SLCO3A1: variants seen among roughly 807,000 people sequenced by gnomAD.
The protein encoded by SLCO3A1 is solute carrier organic anion transporter family member 3A1.
A neutral mutation model predicts 63.1 loss-of-function variants in SLCO3A1; 27 were observed. The ratio of observed to expected loss-of-function variants is 0.43; its 90% CI spans 0.32 to 0.59. The LOEUF is 0.59. Among genes scored for constraint, SLCO3A1 ranks in the 20% least tolerant of loss-of-function variants. The pLI is 0.09. For synonymous variants in SLCO3A1, 473 were observed against 409.9 expected, an observed-to-expected ratio of 1.15 and a Z score of -1.86; for missense variants, 773 against 945.8, an observed-to-expected ratio of 0.82 and a Z score of 2.40.
rs142850832 is a variant in SLCO3A1, at chr15:92,163,098, A to C, written c.2096A>C (p.Asp699Ala). Reference sequence around the variant, plus strand: ...ACAAAGTTTATCTATAACCTGGAAGACCATGAGTGGTGTGAAAACATGGAG... The same window carrying C: ...ACAAAGTTTATCTATAACCTGGAAGCCCATGAGTGGTGTGAAAACATGGAG... ...HRTKFIYNLE[D>A]HEWCENMESV... is the part of the protein sequence containing the mutation. Residue 699 changes from aspartate to alanine, a missense_variant, in exon 10 of 10, where the codon GAC (aspartate) becomes GCC (alanine). By Grantham distance (126) the Asp-to-Ala change is moderately radical (BLOSUM62 -2). This residue lies in a region of SLCO3A1 where 139 missense variants were observed against 131.4 expected (regional missense o/e 1.06). Transcript: ENST00000318445. 6.1e-5 allele frequency: 93 copies of C among 1,534,742 alleles called. No homozygotes were observed. The African/African-American group carries it at 1.1e-3, about 18-fold the overall frequency.
intron 2 of SLCO3A1, among the ~76,000 whole-genome samples, chr15:91,988,069 G>T (rs1018675152): frequency 3.3e-5 from 5 of 152,154 alleles, no homozygotes; most frequent in African/African-American, 1.2e-4. Context: ...TACAGATGCA[G>T]GCTTTTCTAG....
At chr15:92,167,562 C>G (rs570388343), downstream of SLCO3A1, among the ~76,000 whole-genome samples, 18 of 152,220 alleles carry the variant, frequency 1.2e-4, no homozygotes, top group Non-Finnish European at 2.4e-4. Flanking sequence ...TAATCCCTTA[C>G]AGTAAACCAC....
intron 7 of SLCO3A1, among the ~76,000 whole-genome samples, chr15:92,134,287 A>G (rs7175217): frequency 0.35 from 53,893 of 152,104 alleles, 10,035 homozygotes; most frequent in African/African-American, 0.42. Context: ...TATCCTGGTA[A>G]TGGCTTGTCA....
At chr15:92,088,065 G>A (rs2047427776) in intron 2 of SLCO3A1, among the ~76,000 whole-genome samples, 1 of 152,144 alleles carries the variant, frequency 6.6e-6, no homozygotes, top group Admixed American at 6.5e-5. Context: ...CACTGGTCAG[G>A]GAAAGAGGAG....
At chr15:92,133,892 G>A (rs146483874) in intron 7 of SLCO3A1, among the ~76,000 whole-genome samples, 9 of 152,294 alleles carry the variant, frequency 5.9e-5, no homozygotes, top group South Asian at 2.1e-4. Flanking sequence ...TGTCTTCCAC[G>A]AAACTGGTCC....
At chr15:92,024,088 C>G (rs998960739) in intron 2 of SLCO3A1, among the ~76,000 whole-genome samples, 1 of 152,216 alleles carries the variant, frequency 6.6e-6, no homozygotes, top group Non-Finnish European at 1.5e-5. Flanking sequence ...TTTAAATCGT[C>G]TTTTCCCTAT....
chr15:91,867,986 T>G (rs1008641212), intron 1 of SLCO3A1, among the ~76,000 whole-genome samples: 8 of 152,196 alleles, frequency 5.3e-5, no homozygotes, highest in Admixed American at 5.2e-4. Flanking sequence ...GCATCCTATG[T>G]CTGTGTCTTT....
intron 2 of SLCO3A1, among the ~76,000 whole-genome samples, chr15:91,983,176 G>A (rs1341265462): frequency 6.6e-6 from 1 of 152,234 alleles, no homozygotes; most frequent in African/African-American, 2.4e-5. Context: ...AACTGAGCAT[G>A]TACCCTATGC....
chr15:92,046,968 T>A (rs2046871683), intron 2 of SLCO3A1, among the ~76,000 whole-genome samples: 1 of 109,534 alleles, frequency 9.1e-6, no homozygotes, highest in South Asian at 2.6e-4. Context: ...ACCATTGCCT[T>A]TGGCCATTAA....
chr15:92,051,039 C>T (rs1220187054), intron 2 of SLCO3A1, among the ~76,000 whole-genome samples: 1 of 152,210 alleles, frequency 6.6e-6, no homozygotes, highest in Non-Finnish European at 1.5e-5. Flanking sequence ...TTGCCTTCTG[C>T]CCCACGTCAC....
intron 4 of SLCO3A1, among the ~76,000 whole-genome samples, chr15:92,114,424 T>G (rs1280085396): frequency 1.3e-5 from 2 of 152,178 alleles, no homozygotes; most frequent in Non-Finnish European, 2.9e-5. Flanking sequence ...TGCTCCATCC[T>G]TGGTCCCACG....
intron 2 of SLCO3A1, among the ~76,000 whole-genome samples, chr15:92,008,800 G>A (rs556553279): frequency 6.6e-6 from 1 of 152,294 alleles, no homozygotes; most frequent in Admixed American, 6.5e-5. Context: ...TGATATATGT[G>A]AATGTAAAAC....
Position 91,916,167 on chromosome 15 carries a change from G to C in SLCO3A1, c.355G>C (p.Gly119Arg). 6.2e-7 allele frequency: 1 copy of C among 1,605,028 alleles called. No homozygotes were observed. The highest frequency in any genetic ancestry group is 8.5e-7 in the Non-Finnish European group (1 of 1,177,842). ...CTGCGGCGGCATCGTCATGGCGCTGGGCGCGCTGCTGTCGGCGCTGCCCGA... is the reference window on the plus strand; with the variant it reads ...CTGCGGCGGCATCGTCATGGCGCTGCGCGCGCTGCTGTCGGCGCTGCCCGA... ...IGCGGIVMALGALLSALPEFL... is the reference protein window; with the variant it reads ...IGCGGIVMALRALLSALPEFL... Residue 119 changes from glycine (G) to arginine (R), a missense_variant, in exon 2 of 10, where the codon GGC (glycine) becomes CGC (arginine). Physicochemically the swap from Gly to Arg is moderately radical, Grantham distance 125. This residue lies in a region of SLCO3A1 where 565 missense variants were observed against 749.8 expected (regional missense o/e 0.75). Transcript: ENST00000318445. This position sits in a 1 kb window ranked among gnomAD's most constrained non-coding sequence, Gnocchi z 6.2.
At chr15:92,027,405 T>G (rs2046588300) in intron 2 of SLCO3A1, among the ~76,000 whole-genome samples, 1 of 152,252 alleles carries the variant, frequency 6.6e-6, no homozygotes, top group South Asian at 2.1e-4. Context: ...ATTCACCATT[T>G]GACGAAGGTA....
chr15:91,853,940 G>A lies in SLCO3A1; in HGVS notation c.32G>A (p.Gly11Asp), dbSNP rs1896843153. ...GGGAAGAAGCCGGGCGGTTCGTCGGGCGGCGGCCGGAGCGGCGAGCTGCAG... is the reference window on the plus strand; with the variant it reads ...GGGAAGAAGCCGGGCGGTTCGTCGGACGGCGGCCGGAGCGGCGAGCTGCAG... MQGKKPGGSS[G>D]GGRSGELQGD... Residue 11 changes from glycine to aspartate, a missense_variant, in exon 1 of 10, where the codon GGC (glycine) becomes GAC (aspartate). Gly to Asp is a moderately conservative substitution (Grantham distance 94). Transcript: ENST00000318445. The A allele has an allele frequency of 2.0e-6, 3 of 1,466,004 alleles. No homozygotes were observed. The highest frequency in any genetic ancestry group is 3.0e-5 in the East Asian group (1 of 33,074). The allele number at this position is 1,466,004 out of a possible 1,614,324, so 90.8% of individuals were successfully genotyped here.
At chr15:91,908,205 C>T (rs909968545) in intron 1 of SLCO3A1, among the ~76,000 whole-genome samples, 1 of 151,664 alleles carries the variant, frequency 6.6e-6, no homozygotes, top group Non-Finnish European at 1.5e-5. Flanking sequence ...CTGTAATCCC[C>T]ACCCCCACAA....
At position 92,120,620 on chromosome 15, in the gene SLCO3A1, C is replaced by G; in HGVS notation, c.1165C>G (p.Gln389Glu). ...QFNLTTSSANQLLGMTAIPCA... is the reference protein window; with the variant it reads ...QFNLTTSSANELLGMTAIPCA... Reference sequence around the variant, plus strand: ...TAACCTCACCACCTCTTCTGCCAACCAGCTGCTTGGTGAGTGTGTCCTCAG... The same window carrying G: ...TAACCTCACCACCTCTTCTGCCAACGAGCTGCTTGGTGAGTGTGTCCTCAG... Residue 389 changes from glutamine (Q) to glutamate (E), a missense_variant, in exon 5 of 10, where the codon CAG becomes GAG. Physicochemically the swap from Gln to Glu is conservative, Grantham distance 29 (BLOSUM62 2). Transcript: ENST00000318445. 1.2e-6 allele frequency: 2 copies of G among 1,613,124 alleles called. No homozygotes were observed. The highest frequency in any genetic ancestry group is 1.7e-6 in the Non-Finnish European group (2 of 1,179,554).
At position 91,872,873 on chromosome 15, in the gene SLCO3A1, T is replaced by G. The variant is rs1897312903; in HGVS notation, c.180+18785T>G. Among the ~76,000 whole-genome samples the G allele has an allele frequency of 6.6e-6, 1 of 152,242 alleles. No individual in the cohort carries two copies. ...TGTTCCCTTCCTCCCCTTTAGGGCA[T>G]GGTGGCGTCTGTAAGTGACAAGAGT... On this transcript the variant is annotated intron_variant, in intron 1 of 9. Transcript: ENST00000318445. The surrounding 1 kb of genome is among the most constrained non-coding windows in gnomAD (Gnocchi z 4.1).
At position 91,929,694 on chromosome 15, in the gene SLCO3A1, C is replaced by G. The variant is rs981588390; in HGVS notation, c.646+13236C>G. On this transcript the variant is annotated intron_variant, in intron 2 of 9. Coordinates refer to ENST00000318445, the MANE Select transcript of SLCO3A1 (RefSeq NM_013272.4). ...GAAATTACCTCTTCAACAACAACTC[C>G]CATTCCACCCCCTCTCCAGGCCCTG... 2.0e-5 allele frequency among the ~76,000 whole-genome samples: 3 copies of G among 152,098 alleles called. No homozygotes were observed. In the South Asian group the frequency reaches 6.2e-4, roughly 32 times the overall value.
Sources: allele counts gnomAD v4.1 joint callset (sites outside exome capture counted in the v4.1 genomes callset), GRCh38; gene constraint gnomAD v4.1.1; regional missense constraint gnomAD v4.1.1; non-coding constraint Gnocchi (gnomAD v3.1); transcripts MANE v1.5; gene names NCBI Gene and HGNC (gene_info 2026-07-23, HGNC 2026-07-21).